SH3GL3: variants seen among roughly 807,000 people sequenced by gnomAD.
SH3GL3 encodes endophilin-A3.
Under a neutral mutation model 47.7 loss-of-function variants are expected in SH3GL3, and 33 were observed. The ratio of observed to expected loss-of-function variants is 0.69; its 90% CI spans 0.52 to 0.92. The LOEUF (loss-of-function observed/expected upper bound fraction) is 0.92. SH3GL3 is among the 40% of genes least tolerant of loss of function. The pLI is 0.00. For synonymous variants in SH3GL3, 155 were observed against 148.8 expected, an observed-to-expected ratio of 1.04 and a Z score of -0.30; for missense variants, 363 against 417.8, an observed-to-expected ratio of 0.87 and a Z score of 1.14.
intron 1 of SH3GL3, among the ~76,000 whole-genome samples, chr15:83,450,493 T>A (rs1450720316): frequency 6.6e-6 from 1 of 152,114 alleles, no homozygotes; most frequent in Non-Finnish European, 1.5e-5. Context: ...TAACTGTTCC[T>A]TTTTTCCTGA....
At chr15:83,535,178 TA>T (rs142427837) in intron 1 of SH3GL3, among the ~76,000 whole-genome samples, 44 of 148,640 alleles carry the variant, frequency 3.0e-4, no homozygotes, top group African/African-American at 7.4e-4. Flanking sequence ...GCATATTCAT[TA>T]AAAAAAAAAC....
At position 83,565,154 on chromosome 15, in the gene SH3GL3, A is replaced by G. The variant is rs1431775587; in HGVS notation, c.135A>G (p.Lys45=). 5 of 1,561,832 alleles carry G rather than the reference A, an allele frequency of 3.2e-6. No individual in the cohort carries two copies. The South Asian group carries it at 3.5e-5, about 11-fold the overall frequency. The part of the protein sequence containing the change: ...DMERKIDVTN[K]VVAEILSKTT... ...TTAAGAAAATAGATGTTACCAATAA[A>G]GTTGTTGCAGAAATTCTTTCAAAAA... Residue 45 remains lysine (K), a synonymous_variant, in exon 3 of 9, where the codon AAA becomes AAG. Coordinates refer to ENST00000427482, the MANE Select transcript of SH3GL3 (RefSeq NM_003027.5).
At chr15:83,551,274 T>A (rs2044655558) in intron 1 of SH3GL3, among the ~76,000 whole-genome samples, 1 of 152,152 alleles carries the variant, frequency 6.6e-6, no homozygotes, top group South Asian at 2.1e-4. Flanking sequence ...CTGAGATAGG[T>A]CTAATTTGCA....
At chr15:83,580,417 G>A (rs758971664) in intron 6 of SH3GL3, among the ~76,000 whole-genome samples, 28 of 152,202 alleles carry the variant, frequency 1.8e-4, no homozygotes, top group Non-Finnish European at 3.4e-4. Flanking sequence ...ATGAGTGGCT[G>A]CAAGGGAAGC....
chr15:83,583,368 A>T (rs1250104968), intron 6 of SH3GL3, among the ~76,000 whole-genome samples: 1 of 152,066 alleles, frequency 6.6e-6, no homozygotes, highest in African/African-American at 2.4e-5. Context: ...CCTTCTAGGC[A>T]CCCCAGTTTC....
intron 6 of SH3GL3, among the ~76,000 whole-genome samples, chr15:83,580,969 A>G (rs2059813848): frequency 6.6e-6 from 1 of 152,178 alleles, no homozygotes; most frequent in Non-Finnish European, 1.5e-5. Context: ...AATGAAGGGA[A>G]ATCCTCTGAG....
chr15:83,458,149 T>C (rs1346721993), intron 1 of SH3GL3, among the ~76,000 whole-genome samples: 1 of 152,166 alleles, frequency 6.6e-6, no homozygotes, highest in African/African-American at 2.4e-5. Context: ...TTCTGGAGAA[T>C]CTTTAGCAGC....
chr15:83,490,066 T>C (rs919260330), intron 1 of SH3GL3, among the ~76,000 whole-genome samples: 2 of 152,176 alleles, frequency 1.3e-5, no homozygotes, highest in South Asian at 4.1e-4. Context: ...GTGACAGAGT[T>C]GTATGGCCCA....
the SH3GL3 span, among the ~76,000 whole-genome samples, chr15:83,624,794 G>A: frequency 6.6e-6 from 1 of 152,312 alleles, no homozygotes; most frequent in East Asian, 1.9e-4. Flanking sequence ...AATTAGCCAG[G>A]CATGGTGGTG....
chr15:83,629,772 A>C, the SH3GL3 span, among the ~76,000 whole-genome samples: 1 of 152,210 alleles, frequency 6.6e-6, no homozygotes, highest in African/African-American at 2.4e-5. Flanking sequence ...GTGAGCTATA[A>C]TCACAACACT....
chr15:83,541,426 C>T (rs1366908094), intron 1 of SH3GL3, among the ~76,000 whole-genome samples: 1 of 145,832 alleles, frequency 6.9e-6, no homozygotes, highest in East Asian at 2.1e-4. Flanking sequence ...CTCCGCCTCC[C>T]GGGTTCACGC....
the SH3GL3 span, among the ~76,000 whole-genome samples, chr15:83,631,001 C>T: frequency 1.3e-5 from 2 of 152,174 alleles, no homozygotes; most frequent in Non-Finnish European, 2.9e-5. Flanking sequence ...TAGTTACTTC[C>T]TAGTAACTAA....
chr15:83,546,427 G>T (rs962144759), intron 1 of SH3GL3, among the ~76,000 whole-genome samples: 2 of 151,470 alleles, frequency 1.3e-5, no homozygotes, highest in Admixed American at 1.3e-4. Context: ...TTTCAATGCA[G>T]TGGGTTCCCT....
the SH3GL3 span, among the ~76,000 whole-genome samples, chr15:83,626,022 G>T: frequency 1.3e-5 from 2 of 152,118 alleles, no homozygotes; most frequent in African/African-American, 2.4e-5. Context: ...TAGTAGAGAC[G>T]GGGTTTCGCC....
intron 8 of SH3GL3, among the ~76,000 whole-genome samples, chr15:83,595,664 A>G (rs113717953): frequency 7.3e-5 from 11 of 151,394 alleles, no homozygotes; most frequent in African/African-American, 2.7e-4. Flanking sequence ...TATAAATTCA[A>G]CGTCTTTATA....
In SH3GL3 at chr15:83,559,296, A is replaced by G. The variant is rs572061818; in HGVS notation, c.89A>G (p.Asp30Gly). 2.2e-5 allele frequency: 35 copies of G among 1,592,894 alleles called. No individual in the cohort carries two copies. Among genetic ancestry groups the G allele is most frequent in the Non-Finnish European group, 2.6e-5 (30 of 1,160,808 alleles). ...AGTGGTGCTGAAGGAACTAAACTAGACGATGAATTTCTTGACATGGAAAGG... is the reference window on the plus strand; with the variant it reads ...AGTGGTGCTGAAGGAACTAAACTAGGCGATGAATTTCTTGACATGGAAAGG... ...KISGAEGTKL[D>G]DEFLDMERKI... The change falls in exon 2 of 9, where the codon GAC (aspartate) becomes GGC (glycine). Residue 30 changes from aspartate to glycine, a missense_variant. Asp to Gly is a moderately conservative substitution (Grantham distance 94). Transcript: ENST00000427482.
At chr15:83,538,781 A>G (rs1440760161) in intron 1 of SH3GL3, among the ~76,000 whole-genome samples, 1 of 152,096 alleles carries the variant, frequency 6.6e-6, no homozygotes, top group Non-Finnish European at 1.5e-5. Flanking sequence ...TAATATGGGC[A>G]TTTGTTTCTA....
chr15:83,594,705 T>G (rs990732487), intron 8 of SH3GL3, among the ~76,000 whole-genome samples: 3 of 152,174 alleles, frequency 2.0e-5, no homozygotes, highest in Non-Finnish European at 4.4e-5. Flanking sequence ...TGTCCCCCAG[T>G]TGAGATTTGT....
chr15:83,513,610 C>T (rs1374795795), intron 1 of SH3GL3, among the ~76,000 whole-genome samples: 1 of 152,172 alleles, frequency 6.6e-6, no homozygotes, highest in African/African-American at 2.4e-5. Flanking sequence ...GAACACTTCC[C>T]TCATGCTCCA....
Sources: gnomAD v4.1 joint callset for allele counts (sites outside exome capture counted in the v4.1 genomes callset) on GRCh38, gnomAD v4.1.1 for gene constraint, MANE v1.5 for transcripts, NCBI Gene and HGNC (gene_info 2026-07-23, HGNC 2026-07-21) for gene names.